UPF1: variants seen among roughly 807,000 people sequenced by gnomAD.
UPF1 encodes UPF1 RNA helicase and ATPase.
A neutral mutation model predicts 129.2 loss-of-function variants in UPF1; 9 were observed. The ratio of observed to expected loss-of-function variants is 0.07; its 90% CI spans 0.04 to 0.12. The LOEUF (loss-of-function observed/expected upper bound fraction) is 0.12, where lower values mean the gene tolerates loss of function less well. Among genes scored for constraint, UPF1 ranks in the 10% least tolerant of loss-of-function variants. The pLI, the probability that UPF1 is intolerant of heterozygous loss-of-function variation, is 1.00. For missense variants in UPF1, 788 were observed against 1,525.3 expected (o/e 0.52, Z 8.05); for synonymous variants, 649 against 644.9 (o/e 1.01, Z -0.10).
intron 6 of UPF1, among the ~76,000 whole-genome samples, 194 bp downstream of exon 6, chr19:18,852,490 T>A (rs1447006191): frequency 6.6e-6 from 1 of 152,150 alleles, no homozygotes; most frequent in Non-Finnish European, 1.5e-5. Flanking sequence ...AGATCTGACA[T>A]CAGCCTCAGT....
At chr19:18,849,944 G>T in intron 3 of UPF1, 131 bp from the exon 4 acceptor site, 2 of 1,157,218 alleles carry the variant, frequency 1.7e-6, no homozygotes, top group Non-Finnish European at 2.4e-6. Flanking sequence ...AGAGATGCCA[G>T]ATGGATGAGG....
chr19:18,832,146 C>T lies in UPF1; in HGVS notation c.-64C>T, dbSNP rs1397605606. 3.5e-6 allele frequency: 5 copies of T among 1,443,226 alleles called. No homozygotes were observed. The highest frequency in any genetic ancestry group is 4.6e-6 in the Non-Finnish European group (5 of 1,085,208). The allele number at this position is 1,443,226 out of a possible 1,614,324, so 89.4% of individuals were successfully genotyped here. On this transcript the variant is annotated 5_prime_UTR_variant, in exon 1 of 24. Coordinates refer to ENST00000262803, the MANE Select transcript of UPF1 (RefSeq NM_002911.4). The surrounding 1 kb of genome is among the most constrained non-coding windows in gnomAD (Gnocchi z 5.6). ...GCGACCCGAGGCCTGCGGCCTAGGC[C>T]TCAGCGCGGCGGCGGGCTCGAGTGC...
At chr19:18,847,630 A>G (rs909266148) in intron 2 of UPF1, 114 bp from the exon 3 acceptor site, 6 of 904,682 alleles carry the variant, frequency 6.6e-6, no homozygotes, top group Non-Finnish European at 1.1e-5. Context: ...GGGGTTGAGT[A>G]TGTGTTTAAT....
rs141008821 is a variant in UPF1 at position 18,837,914 on chromosome 19, G to A, written c.231+5474G>A. 9.8e-3 allele frequency among the ~76,000 whole-genome samples: 1,491 copies of A among 152,276 alleles called. 38 individuals are homozygous for A. Among genetic ancestry groups the A allele is most frequent in the African/African-American group, 0.034 (1,409 of 41,558 alleles). On this transcript the variant is annotated intron_variant, in intron 1 of 23. Coordinates refer to ENST00000262803, the MANE Select transcript of UPF1 (RefSeq NM_002911.4). ...GGACAACTAGCTAAAGCTCCTAGCC[G>A]ACCTGTCGTCCAGCCCTCACTCTCC...
At chr19:18,866,417 C>T (rs141087952) in intron 23 of UPF1, 104 bp from the exon 24 acceptor site, 16 of 483,422 alleles carry the variant, frequency 3.3e-5, no homozygotes, top group Middle Eastern at 5.4e-4. Flanking sequence ...TCATCAGAGT[C>T]GGGGAGGGCA....
chr19:18,832,331 C>T lies in UPF1; in HGVS notation c.122C>T (p.Pro41Leu), dbSNP rs748319452. Residue 41 changes from proline to leucine, a missense_variant, in exon 1 of 24, where the codon CCT becomes CTT. By Grantham distance (98) the Pro-to-Leu change is moderately conservative. This residue lies in a region of UPF1 where 112 missense variants were observed against 128.2 expected (regional missense o/e 0.87). Transcript: ENST00000262803. This position sits in a 1 kb window ranked among gnomAD's most constrained non-coding sequence, Gnocchi z 5.6. ...SEFEFTDFTL[P>L]SQTQTPPGGP... ...TTCGAGTTCACCGACTTTACTCTTC[C>T]TAGCCAGACGCAGACGCCCCCCGGC... 1.4e-6 allele frequency: 2 copies of T among 1,459,630 alleles called. No individual in the cohort carries two copies. The highest frequency in any genetic ancestry group is 1.5e-5 in the African/African-American group (1 of 68,258). The allele number at this position is 1,459,630 out of a possible 1,614,324, so 90.4% of individuals were successfully genotyped here. A position where few individuals can be genotyped will look rare whatever the true frequency, so the allele number is the denominator to read the frequency against.
intron 18 of UPF1, among the ~76,000 whole-genome samples, chr19:18,862,417 T>G (rs2055790282): frequency 6.6e-6 from 1 of 152,146 alleles, no homozygotes; most frequent in South Asian, 2.1e-4. Flanking sequence ...GTCAAGTTGT[T>G]TAATCTGAGA....
intron 2 of UPF1, 48 bp downstream of exon 2, chr19:18,846,167 C>T: frequency 6.2e-7 from 1 of 1,608,136 alleles, no homozygotes; most frequent in Non-Finnish European, 8.5e-7. Flanking sequence ...CAGGTGGGTG[C>T]CTCTGGCATG....
intron 15 of UPF1, among the ~76,000 whole-genome samples, chr19:18,858,815 TA>T (rs2055745993): frequency 6.6e-6 from 1 of 152,248 alleles, no homozygotes; most frequent in South Asian, 2.1e-4. Flanking sequence ...CGTAATGGGT[TA>T]TTTTTAAATG....
At chr19:18,860,677 G>A in intron 16 of UPF1, 149 bp from the exon 17 acceptor site, 3 of 1,209,886 alleles carry the variant, frequency 2.5e-6, no homozygotes, top group Non-Finnish European at 3.4e-6. Flanking sequence ...AGACTCCCCT[G>A]GTGAAGGCTG....
At position 18,842,594 on chromosome 19, in the gene UPF1, C is replaced by T. The variant is rs72999395; in HGVS notation, c.232-3386C>T. Among the ~76,000 whole-genome samples, 738 of 152,230 alleles carry T rather than the reference C, an allele frequency of 4.8e-3. 4 individuals are homozygous for T. The highest frequency in any genetic ancestry group is 8.2e-3 in the Non-Finnish European group (558 of 68,016). On this transcript the variant is annotated intron_variant, in intron 1 of 23. Transcript: ENST00000262803. ...GGCCAGACCTCCTGGCAACCCTCTG[C>T]CTTGAGAGGGCTCAGAGACCCTGCA...
chr19:18,855,748 TGAG>T, intron 11 of UPF1, 174 bp from the exon 12 acceptor site: 1 of 858,120 alleles, frequency 1.2e-6, no homozygotes, highest in East Asian at 2.7e-5. Context: ...CTCAGGAGGC[TGAG>T]GTGGGAGGAT....
chr19:18,841,379 A>T (rs2055539411), intron 1 of UPF1, among the ~76,000 whole-genome samples: 1 of 152,164 alleles, frequency 6.6e-6, no homozygotes, highest in South Asian at 2.1e-4. Context: ...CATTTCTAGA[A>T]GCAGAAAAGG....
At chr19:18,847,987 G>A (rs2055618522) in intron 3 of UPF1, 154 bp downstream of exon 3, 1 of 690,386 alleles carries the variant, frequency 1.4e-6, no homozygotes, top group South Asian at 1.8e-5. Flanking sequence ...GAAACAGATG[G>A]TGGTGTGTGA....
At chr19:18,858,011 G>C (rs2055737405) in intron 15 of UPF1, among the ~76,000 whole-genome samples, 1 of 152,184 alleles carries the variant, frequency 6.6e-6, no homozygotes, top group African/African-American at 2.4e-5. Context: ...TTCTGCAAGA[G>C]TCAGCCCAGA....
intron 1 of UPF1, among the ~76,000 whole-genome samples, chr19:18,839,280 G>A (rs968854152): frequency 2.0e-5 from 3 of 152,156 alleles, no homozygotes; most frequent in Non-Finnish European, 2.9e-5. Flanking sequence ...TTTTAGTAGA[G>A]ACGGGGTTTC....
intron 5 of UPF1, 23 bp from the exon 6 acceptor site, chr19:18,852,111 TG>T: frequency 6.3e-7 from 1 of 1,584,426 alleles, no homozygotes; most frequent in South Asian, 1.1e-5. Context: ...AGGACGAGTG[TG>T]GCGCGGTGTT....
Position 18,865,618 on chromosome 19 carries a change from G to T in UPF1, c.3077G>T (p.Gly1026Val). The T allele has an allele frequency of 1.2e-6, 2 of 1,613,804 alleles. No homozygotes were observed. The highest frequency in any genetic ancestry group is 1.7e-6 in the Non-Finnish European group (2 of 1,180,028). ...GRGGRQKNRF[G>V]LPGPSQTNLP... is the part of the protein sequence containing the mutation. ...GGGGGACGCCAGAAGAACCGCTTTG[G>T]GCTTCCTGGACCCAGCCAGACTAAC... The change falls in exon 22 of 24, where the codon GGG becomes GTG. Residue 1026 changes from glycine to valine, a missense_variant. Physicochemically the swap from Gly to Val is moderately radical, Grantham distance 109 (BLOSUM62 -3). Coordinates refer to ENST00000262803, the MANE Select transcript of UPF1 (RefSeq NM_002911.4). This position sits in a 1 kb window ranked among gnomAD's most constrained non-coding sequence, Gnocchi z 6.1.
chr19:18,842,570 G>A (rs1315775727), intron 1 of UPF1, among the ~76,000 whole-genome samples: 1 of 152,130 alleles, frequency 6.6e-6, no homozygotes, highest in African/African-American at 2.4e-5. Context: ...CAGTTTGGGG[G>A]CCAGACCTCC....
Sources: allele counts gnomAD v4.1 joint callset (sites outside exome capture counted in the v4.1 genomes callset), GRCh38; gene constraint gnomAD v4.1.1; regional missense constraint gnomAD v4.1.1; non-coding constraint Gnocchi (gnomAD v3.1); transcripts MANE v1.5; gene names NCBI Gene and HGNC (gene_info 2026-07-23, HGNC 2026-07-21).